KIAA0825: variants seen among roughly 807,000 people sequenced by gnomAD.
KIAA0825 encodes the protein uncharacterized protein KIAA0825.
Under a neutral mutation model 147.6 loss-of-function variants are expected in KIAA0825, and 119 were observed. That is an observed-to-expected ratio of 0.81 (90% confidence interval 0.69 to 0.94). The LOEUF (loss-of-function observed/expected upper bound fraction) is 0.94, where lower values mean the gene tolerates loss of function less well. KIAA0825 is among the 40% of genes least tolerant of loss of function. KIAA0825 has a pLI of 0.00. For synonymous variants in KIAA0825, 470 were observed against 518.1 expected (o/e 0.91, Z 1.26); for missense variants, 1,381 against 1,472.7 (o/e 0.94, Z 1.02).
intron 20 of KIAA0825, among the ~76,000 whole-genome samples, chr5:94,321,693 T>C (rs145196113): frequency 2.3e-4 from 35 of 152,074 alleles, no homozygotes; most frequent in East Asian, 3.9e-4. Context: ...ATACTGTACA[T>C]TGAGGGCAGC....
intron 20 of KIAA0825, among the ~76,000 whole-genome samples, chr5:94,249,084 C>A (rs911731294): frequency 1.1e-4 from 17 of 151,938 alleles, no homozygotes; most frequent in African/African-American, 4.1e-4. Flanking sequence ...AAAGAGAAGG[C>A]AAATTCCTTT....
rs1347397129 is a variant in KIAA0825 at position 94,151,768 on chromosome 5, T to C, written c.*2239A>G. On this transcript the variant is annotated 3_prime_UTR_variant, in exon 21 of 21. Coordinates refer to ENST00000682413, the MANE Select transcript of KIAA0825 (RefSeq NM_001145678.3). ...AGCTTTAAAAGATGACGTTTAGATA[T>C]ATTAGAAGACAATCCAAATGTGAAA... Among the ~76,000 whole-genome samples the C allele has an allele frequency of 6.6e-6, 1 of 152,242 alleles. No individual in the cohort carries two copies. The highest frequency in any genetic ancestry group is 1.5e-5 in the Non-Finnish European group (1 of 68,042).
chr5:94,174,830 C>A (rs1768944316), intron 20 of KIAA0825, among the ~76,000 whole-genome samples: 3 of 152,104 alleles, frequency 2.0e-5, no homozygotes, highest in Admixed American at 2.0e-4. Context: ...CAAGAATACC[C>A]TTTAATACTT....
chr5:94,254,122 C>G (rs1457102854), intron 20 of KIAA0825, among the ~76,000 whole-genome samples: 4 of 152,136 alleles, frequency 2.6e-5, no homozygotes, highest in South Asian at 2.1e-4. Context: ...TTGGGGACAG[C>G]AAGAGTTATT....
chr5:94,160,704 A>G (rs1466943508), intron 20 of KIAA0825, among the ~76,000 whole-genome samples: 1 of 150,322 alleles, frequency 6.7e-6, no homozygotes, highest in African/African-American at 2.4e-5. Flanking sequence ...TATTTAATAT[A>G]TAATATATGT....
chr5:94,512,259 G>GA (rs35386287), intron 5 of KIAA0825, among the ~76,000 whole-genome samples: 3 of 151,450 alleles, frequency 2.0e-5, no homozygotes, highest in African/African-American at 2.4e-5. Flanking sequence ...GAACATTTAT[G>GA]AAAAAAAAGT....
intron 20 of KIAA0825, among the ~76,000 whole-genome samples, chr5:94,361,096 G>C (rs147460096): frequency 6.6e-6 from 1 of 152,174 alleles, no homozygotes; most frequent in South Asian, 2.1e-4. Context: ...GACATTCAGC[G>C]TAGAAAACAC....
intron 5 of KIAA0825, among the ~76,000 whole-genome samples, chr5:94,506,244 A>G (rs1765726458): frequency 6.6e-6 from 1 of 152,216 alleles, no homozygotes; most frequent in Non-Finnish European, 1.5e-5. Flanking sequence ...TGTGTTAACC[A>G]CTACAATTTT....
chr5:94,293,212 AT>A (rs1207663900), intron 20 of KIAA0825, among the ~76,000 whole-genome samples: 1 of 152,136 alleles, frequency 6.6e-6, no homozygotes. Flanking sequence ...TAGGGTATCA[AT>A]TTTAGATCTT....
chr5:94,553,341 G>A (rs562774069), intron 2 of KIAA0825, among the ~76,000 whole-genome samples: 3 of 151,430 alleles, frequency 2.0e-5, no homozygotes, highest in African/African-American at 4.9e-5. Context: ...TCGGGAGGCT[G>A]AGGCAGGAGA....
chr5:94,401,532 A>T (rs40269), intron 16 of KIAA0825, among the ~76,000 whole-genome samples: 47,253 of 151,858 alleles, frequency 0.31, 8,017 homozygotes, highest in African/African-American at 0.42. Context: ...AGGAATAAGG[A>T]CACCCTGCTC....
intron 20 of KIAA0825, among the ~76,000 whole-genome samples, chr5:94,330,400 G>A (rs1781149102): frequency 6.6e-6 from 1 of 152,058 alleles, no homozygotes; most frequent in South Asian, 2.1e-4. Flanking sequence ...AATTGAAGTA[G>A]AAATCAATAA....
At chr5:94,537,232 G>A (rs2151337324) in intron 2 of KIAA0825, 105 bp from the exon 3 acceptor site, 2 of 735,780 alleles carry the variant, frequency 2.7e-6, no homozygotes, top group Non-Finnish European at 4.4e-6. Context: ...ACCAAAAATA[G>A]TAATTCCTAT....
chr5:94,546,555 A>C (rs1190001926), intron 2 of KIAA0825, among the ~76,000 whole-genome samples: 1 of 151,768 alleles, frequency 6.6e-6, no homozygotes, highest in Non-Finnish European at 1.5e-5. Context: ...CAGGGTGTTT[A>C]GGAGAAAGTA....
At chr5:94,161,516 A>G (rs182942696) in intron 20 of KIAA0825, among the ~76,000 whole-genome samples, 4 of 152,282 alleles carry the variant, frequency 2.6e-5, no homozygotes, top group East Asian at 1.9e-4. Flanking sequence ...TTTGAGTCCT[A>G]TAGTATCTAA....
intron 15 of KIAA0825, chr5:94,413,879 CAA>C (rs1394199938): frequency 1.3e-5 from 2 of 152,266 alleles, no homozygotes; most frequent in East Asian, 1.9e-4. Flanking sequence ...CAACATAGAA[CAA>C]AGACAGCCTT....
intron 20 of KIAA0825, among the ~76,000 whole-genome samples, chr5:94,277,987 T>C (rs1418442965): frequency 6.6e-6 from 1 of 152,066 alleles, no homozygotes; most frequent in Non-Finnish European, 1.5e-5. Flanking sequence ...CTGGAAACCA[T>C]CATCCTCAAC....
intron 20 of KIAA0825, among the ~76,000 whole-genome samples, chr5:94,305,386 C>T (rs1346603588): frequency 2.0e-5 from 3 of 151,890 alleles, no homozygotes; most frequent in Non-Finnish European, 4.4e-5. Flanking sequence ...ACCATCAGCA[C>T]ACAGTGTTTC....
chr5:94,569,603 C>A, intron 2 of KIAA0825: 2 of 391,078 alleles, frequency 5.1e-6, no homozygotes, highest in Non-Finnish European at 9.5e-6. Context: ...TATTGATCTC[C>A]CCACTCCATC....
Sources: allele counts gnomAD v4.1 joint callset (sites outside exome capture counted in the v4.1 genomes callset), GRCh38; gene constraint gnomAD v4.1.1; transcripts MANE v1.5; gene names NCBI Gene and HGNC (gene_info 2026-07-23, HGNC 2026-07-21).